Variants in ARHGEF10L observed in about 807,000 individuals in gnomAD.
ARHGEF10L encodes the protein Rho guanine nucleotide exchange factor 10 like.
In ARHGEF10L, 69 loss-of-function variants were observed where a neutral mutation model predicts 141.2. The observed-to-expected ratio is 0.49, with a 90% CI of 0.40 to 0.60. The LOEUF (loss-of-function observed/expected upper bound fraction) is 0.60, where lower values mean the gene tolerates loss of function less well. Ranked by LOEUF, ARHGEF10L falls within the 20% of genes least tolerant of loss-of-function variation. The pLI, the probability that ARHGEF10L is intolerant of heterozygous loss-of-function variation, is 0.00. For missense variants in ARHGEF10L, 1,482 were observed against 1,734.3 expected (o/e 0.85, Z 2.58); for synonymous variants, 711 against 718.5 (o/e 0.99, Z 0.17).
chr1:17,608,810 A>G lies in ARHGEF10L; in HGVS notation c.609+833A>G, dbSNP rs115810883. Among the ~76,000 whole-genome samples the G allele has an allele frequency of 8.5e-3, 1,296 of 152,194 alleles. 26 individuals are homozygous for G. Among genetic ancestry groups the G allele is most frequent in the African/African-American group, 0.029 (1,214 of 41,522 alleles). On this transcript the variant is annotated intron_variant, in intron 7 of 28. Transcript: ENST00000361221. ...TTTATTAATTATTCTTTTGAGGCAG[A>G]GTCTCACTCTTTCGCCCAGGCTGGA...
At chr1:17,596,054 C>G (rs74059337) in intron 4 of ARHGEF10L, among the ~76,000 whole-genome samples, 2 of 152,194 alleles carry the variant, frequency 1.3e-5, no homozygotes, top group Non-Finnish European at 2.9e-5. Flanking sequence ...TTCTTCCCCC[C>G]TCACGCCTGG....
intron 1 of ARHGEF10L, among the ~76,000 whole-genome samples, chr1:17,564,394 G>A (rs910364797): frequency 1.3e-5 from 2 of 152,154 alleles, no homozygotes; most frequent in African/African-American, 4.8e-5. Flanking sequence ...ACTGGTCTTG[G>A]GCACTTGATC....
chr1:17,643,181 G>A (rs1469017227), intron 21 of ARHGEF10L, among the ~76,000 whole-genome samples: 1 of 152,176 alleles, frequency 6.6e-6, no homozygotes, highest in African/African-American at 2.4e-5. Flanking sequence ...GATAATATGA[G>A]CCTGTTAGAA....
chr1:17,685,372 G>T (rs922360098), intron 26 of ARHGEF10L, among the ~76,000 whole-genome samples: 1 of 152,104 alleles, frequency 6.6e-6, no homozygotes, highest in East Asian at 1.9e-4. Flanking sequence ...CCCACCACGG[G>T]TCCCTCTGCT....
intron 1 of ARHGEF10L, among the ~76,000 whole-genome samples, chr1:17,577,031 G>T (rs866727290): frequency 3.3e-5 from 5 of 152,192 alleles, no homozygotes; most frequent in African/African-American, 9.7e-5. Flanking sequence ...TTAAAGATGA[G>T]AATGGTTATT....
At chr1:17,689,114 A>T (rs537818982) in intron 27 of ARHGEF10L, among the ~76,000 whole-genome samples, 7 of 152,262 alleles carry the variant, frequency 4.6e-5, no homozygotes, top group African/African-American at 1.7e-4. Context: ...GCTCGTGGTC[A>T]TGCAGTAGAC....
chr1:17,666,623 C>G (rs1223355295), intron 26 of ARHGEF10L, among the ~76,000 whole-genome samples: 1 of 152,104 alleles, frequency 6.6e-6, no homozygotes, highest in Non-Finnish European at 1.5e-5. Flanking sequence ...CCTTAGCACT[C>G]CCGGTTCCTC....
Position 17,673,248 on chromosome 1 carries a change from A to G in ARHGEF10L, c.3009+8653A>G, listed in dbSNP as rs2063438144. On this transcript the variant is annotated intron_variant, in intron 26 of 28. Coordinates refer to ENST00000361221, the MANE Select transcript of ARHGEF10L (RefSeq NM_018125.4). The surrounding 1 kb of genome is among the most constrained non-coding windows in gnomAD (Gnocchi z 4.1). ...GTCCTGTCCTTGTGAGCCACCCCCC[A>G]GTCTTAGCTGGTAGCAGCCAGCCCC... Among the ~76,000 whole-genome samples the G allele has an allele frequency of 6.6e-6, 1 of 152,016 alleles. No individual in the cohort carries two copies. Among genetic ancestry groups the G allele is most frequent in the South Asian group, 2.1e-4 (1 of 4,820 alleles).
At chr1:17,611,084 G>A (rs1034489612) in intron 7 of ARHGEF10L, among the ~76,000 whole-genome samples, 29 of 152,060 alleles carry the variant, frequency 1.9e-4, no homozygotes, top group African/African-American at 6.5e-4. Flanking sequence ...TTACAGAAAC[G>A]CCAGCCCTGG....
intron 26 of ARHGEF10L, among the ~76,000 whole-genome samples, chr1:17,676,132 GGGTGCAGGTGTAGGTGCAGGTGTA>G (rs1210286851): frequency 6.7e-6 from 1 of 149,432 alleles, no homozygotes; most frequent in East Asian, 2.0e-4. Flanking sequence ...GTGCAGGCGT[GGGTGCAGGTGTAGGTGCAGGTGTA>G]GGTGCAGGCG....
At position 17,552,196 on chromosome 1, in the gene ARHGEF10L, G is replaced by A. The variant is rs377425660; in HGVS notation, c.-44+12246G>A. Among the ~76,000 whole-genome samples the A allele has an allele frequency of 7.2e-5, 11 of 152,298 alleles. No homozygotes were observed. The South Asian group carries it at 1.2e-3, about 17-fold the overall frequency. The stretch of plus-strand genomic sequence containing the variant: ...GAAGGGCAGATGCCAGGCAGAGGGC[G>A]AGGGGAGGGGGAGATGGGGAGCACT... On this transcript the variant is annotated intron_variant, in intron 1 of 28. Transcript: ENST00000361221.
intron 22 of ARHGEF10L, 62 bp downstream of exon 22, chr1:17,648,737 G>A: frequency 6.3e-7 from 1 of 1,581,200 alleles, no homozygotes; most frequent in Non-Finnish European, 8.6e-7. Flanking sequence ...CCTCGCCTGG[G>A]AGAACCAGAG....
intron 18 of ARHGEF10L, among the ~76,000 whole-genome samples, chr1:17,637,609 C>G (rs1309745942): frequency 6.6e-6 from 1 of 152,180 alleles, no homozygotes; most frequent in Non-Finnish European, 1.5e-5. Flanking sequence ...CGTCATTCTC[C>G]TGCCTCAGCC....
At chr1:17,636,554 C>T (rs184184840) in intron 18 of ARHGEF10L, among the ~76,000 whole-genome samples, 148 of 152,280 alleles carry the variant, frequency 9.7e-4, no homozygotes, top group African/African-American at 3.5e-3. Context: ...TCTGCGCTTT[C>T]GTGCCTGTGC....
chr1:17,524,096 A>G, the ARHGEF10L span, among the ~76,000 whole-genome samples: 3 of 152,156 alleles, frequency 2.0e-5, no homozygotes, highest in African/African-American at 7.2e-5. Flanking sequence ...GAACATGGCG[A>G]AACCTCATCT....
chr1:17,675,485 G>A (rs1172796690), intron 26 of ARHGEF10L, among the ~76,000 whole-genome samples: 1 of 151,008 alleles, frequency 6.6e-6, no homozygotes, highest in Non-Finnish European at 1.5e-5. Context: ...GTGTGTGCAG[G>A]TGTGTGTGTA....
Position 17,695,406 on chromosome 1 carries a change from T to C in ARHGEF10L, c.3307+126T>C, listed in dbSNP as rs551617082. ...GATGGGGTTCCAGTCTCCAGCTTCC[T>C]CTCATCTCAGGTGGCATGGTGGCCA... is the stretch of plus-strand genomic sequence containing the variant. On this transcript the variant is annotated intron_variant, in intron 28 of 28. Coordinates refer to ENST00000361221, the MANE Select transcript of ARHGEF10L (RefSeq NM_018125.4). 4.3e-5 allele frequency: 58 copies of C among 1,338,942 alleles called. No individual in the cohort carries two copies. In the Admixed American group the frequency reaches 1.4e-3, roughly 33 times the overall value. 82.9% of individuals were successfully genotyped at this position (1,338,942 alleles called of 1,614,324 possible).
chr1:17,622,969 G>T (rs1218076227), intron 11 of ARHGEF10L, 27 bp from the exon 12 acceptor site: 1 of 1,598,930 alleles, frequency 6.3e-7, no homozygotes, highest in Non-Finnish European at 8.5e-7. Flanking sequence ...GGCCTGGCCT[G>T]CGGCCTCACC....
At chr1:17,691,761 G>A (rs1319016766) in intron 27 of ARHGEF10L, among the ~76,000 whole-genome samples, 4 of 151,924 alleles carry the variant, frequency 2.6e-5, no homozygotes, top group African/African-American at 4.8e-5. Flanking sequence ...AATTGAGCAA[G>A]GCAGGTTTGT....
Sources: allele counts gnomAD v4.1 joint callset (sites outside exome capture counted in the v4.1 genomes callset), GRCh38; gene constraint gnomAD v4.1.1; non-coding constraint Gnocchi (gnomAD v3.1); transcripts MANE v1.5; gene names NCBI Gene and HGNC (gene_info 2026-07-23, HGNC 2026-07-21).